Variants in TFCP2 observed in about 807,000 individuals in gnomAD.
TFCP2 encodes the protein alpha-globin transcription factor CP2.
TFCP2 carries 33 observed loss-of-function variants against 73.4 expected under a neutral mutation model. That is an observed-to-expected ratio of 0.45 (90% confidence interval 0.34 to 0.60). The LOEUF (loss-of-function observed/expected upper bound fraction) is 0.60. Among genes scored for constraint, TFCP2 ranks in the 20% least tolerant of loss-of-function variants. TFCP2 has a pLI of 0.01. For synonymous variants in TFCP2, 193 were observed against 211.6 expected, an observed-to-expected ratio of 0.91 and a Z score of 0.76; for missense variants, 352 against 604.0, an observed-to-expected ratio of 0.58 and a Z score of 4.37.
intron 1 of TFCP2, among the ~76,000 whole-genome samples, chr12:51,170,144 C>T (rs941684620): frequency 6.6e-6 from 1 of 152,142 alleles, no homozygotes; most frequent in Non-Finnish European, 1.5e-5. Flanking sequence ...GGTCAGGGCA[C>T]TTACTTTCAG....
intron 1 of TFCP2, among the ~76,000 whole-genome samples, chr12:51,140,414 C>T: frequency 6.9e-6 from 1 of 144,524 alleles, no homozygotes; most frequent in Admixed American, 6.9e-5. Flanking sequence ...TTTTTTCTTC[C>T]TTCCTTCTTT....
At chr12:51,109,734 T>G (rs1940348044) in intron 5 of TFCP2, among the ~76,000 whole-genome samples, 1 of 119,074 alleles carries the variant, frequency 8.4e-6, no homozygotes, top group Non-Finnish European at 1.8e-5. Context: ...TTTTTTTTTT[T>G]TGAGACTAAG....
chr12:51,159,524 A>T (rs1373001288), intron 1 of TFCP2, among the ~76,000 whole-genome samples: 1 of 151,612 alleles, frequency 6.6e-6, no homozygotes. Flanking sequence ...TTTTTAGTAG[A>T]GACGGGGTTT....
At chr12:51,098,671 C>A in intron 13 of TFCP2, 105 bp downstream of exon 13, 1 of 1,330,612 alleles carries the variant, frequency 7.5e-7, no homozygotes, top group East Asian at 2.4e-5. Context: ...GTATGAAACC[C>A]TCTGATCTAG....
At chr12:51,156,928 AACTG>A (rs1941547711) in intron 1 of TFCP2, 1 of 152,294 alleles carries the variant, frequency 6.6e-6, no homozygotes, top group African/African-American at 2.4e-5. Flanking sequence ...TTCTATCTGT[AACTG>A]ACTGTCAACA....
rs565592376 is a variant in TFCP2 at position 51,097,650 on chromosome 12, T to G, written c.1419+1126A>C. ...AATTCCATTATAATAATTTTTAAATTTTTATTTAAAAACTTTATTTCAAAC... is the reference window on the plus strand; with the variant it reads ...AATTCCATTATAATAATTTTTAAATGTTTATTTAAAAACTTTATTTCAAAC... On this transcript the variant is annotated intron_variant, in intron 13 of 14. Transcript: ENST00000257915. 1.1e-4 allele frequency among the ~76,000 whole-genome samples: 16 copies of G among 152,268 alleles called. No individual in the cohort carries two copies. In the East Asian group the frequency reaches 3.1e-3, roughly 29 times the overall value.
At chr12:51,110,195 C>T (rs561920293) in intron 5 of TFCP2, among the ~76,000 whole-genome samples, 1 of 152,230 alleles carries the variant, frequency 6.6e-6, no homozygotes, top group South Asian at 2.1e-4. Context: ...GGACTCTACC[C>T]AAAGAACATA....
chr12:51,109,983 T>A (rs906800217), intron 5 of TFCP2, among the ~76,000 whole-genome samples: 1 of 152,020 alleles, frequency 6.6e-6, no homozygotes, highest in Admixed American at 6.6e-5. Context: ...CCTCCCAAAG[T>A]GCTGGGATTA....
chr12:51,169,135 C>G (rs995100347), intron 1 of TFCP2, among the ~76,000 whole-genome samples: 1 of 152,056 alleles, frequency 6.6e-6, no homozygotes, highest in African/African-American at 2.4e-5. Context: ...GTCCAGGTGA[C>G]TCTTATGAAT....
chr12:51,094,011 AAT>A lies in TFCP2; in HGVS notation c.*1228_*1229del, dbSNP rs1450867406. 1 of 151,036 alleles carries A rather than the reference AAT, an allele frequency of 6.6e-6. No homozygotes were observed. The highest frequency in any genetic ancestry group is 2.5e-5 in the African/African-American group (1 of 40,802). 9.4% of individuals were successfully genotyped at this position (151,036 alleles called of 1,614,324 possible). A position where few individuals can be genotyped will look rare whatever the true frequency, so the allele number is the denominator to read the frequency against. On this transcript the variant is annotated 3_prime_UTR_variant, in exon 15 of 15. Transcript: ENST00000257915. ...TACACACACACACACACACACACAC[AAT>A]CATTCTTAAGGAAGAACAAAAACAT...
chr12:51,147,092 C>T (rs992196061), intron 1 of TFCP2, among the ~76,000 whole-genome samples: 2 of 152,196 alleles, frequency 1.3e-5, no homozygotes, highest in African/African-American at 4.8e-5. Context: ...CCTGTAATCC[C>T]AGCACTTTGG....
chr12:51,124,580 G>A, intron 1 of TFCP2: 1 of 496,636 alleles, frequency 2.0e-6, no homozygotes, highest in Middle Eastern at 3.1e-4. Context: ...GGCAGGGTGG[G>A]CCCTCATGGG....
intron 1 of TFCP2, among the ~76,000 whole-genome samples, chr12:51,145,567 CAAAAAAAAAAAAA>C (rs59778550): frequency 6.1e-5 from 3 of 49,152 alleles, no homozygotes; most frequent in East Asian, 1.5e-3. Context: ...AAGACTATCT[CAAAAAAAAAAAAA>C]AAAAAAAAAA....
intron 3 of TFCP2, 146 bp from the exon 4 acceptor site, chr12:51,116,566 A>C (rs1940532561): frequency 2.3e-6 from 1 of 426,722 alleles, no homozygotes; most frequent in Non-Finnish European, 4.2e-6. Flanking sequence ...TCTAAAACCC[A>C]TACCATACTA....
chr12:51,104,955 G>A (rs546511061), intron 8 of TFCP2, among the ~76,000 whole-genome samples: 79 of 151,938 alleles, frequency 5.2e-4, no homozygotes, highest in African/African-American at 1.7e-3. Context: ...CTTGTGATCC[G>A]CCCGCCTCCG....
chr12:51,129,467 C>T (rs1592812389), intron 1 of TFCP2, among the ~76,000 whole-genome samples: 1 of 149,272 alleles, frequency 6.7e-6, no homozygotes, highest in African/African-American at 2.5e-5. Context: ...GAGCCGAGAT[C>T]GTGCCACTGT....
intron 1 of TFCP2, among the ~76,000 whole-genome samples, chr12:51,120,928 A>G (rs1204609441): frequency 2.0e-5 from 3 of 151,520 alleles, no homozygotes; most frequent in African/African-American, 7.3e-5. Flanking sequence ...AAAAAAAAAA[A>G]AGGTAAAAAG....
chr12:51,111,079 A>C, intron 4 of TFCP2, 96 bp from the exon 5 acceptor site: 1 of 832,162 alleles, frequency 1.2e-6, no homozygotes. Context: ...GTAGCTACCA[A>C]GATTTTTGTA....
chr12:51,134,046 G>T (rs1057282554), intron 1 of TFCP2, among the ~76,000 whole-genome samples: 1 of 151,872 alleles, frequency 6.6e-6, no homozygotes, highest in African/African-American at 2.4e-5. Flanking sequence ...AGAGAAAAAA[G>T]GAGAAAATAA....
Sources: gnomAD v4.1 joint callset for allele counts (sites outside exome capture counted in the v4.1 genomes callset) on GRCh38, gnomAD v4.1.1 for gene constraint, MANE v1.5 for transcripts, NCBI Gene and HGNC (gene_info 2026-07-23, HGNC 2026-07-21) for gene names.